The following COG6 variants were observed in gnomAD, a reference collection of about 807,000 sequenced individuals.
COG6 encodes component of oligomeric golgi complex 6.
In COG6, 74 loss-of-function variants were observed where a neutral mutation model predicts 88.8. The ratio of observed to expected loss-of-function variants is 0.83; its 90% CI spans 0.69 to 1.01. COG6 has a LOEUF of 1.01. COG6 is among the 50% of genes least tolerant of loss of function. The pLI is 0.00. For synonymous variants in COG6, 286 were observed against 278.7 expected, an observed-to-expected ratio of 1.03 and a Z score of -0.26; for missense variants, 800 against 797.9, an observed-to-expected ratio of 1.00 and a Z score of -0.03.
At chr13:39,665,968 C>T (rs1294208111) in intron 4 of COG6, among the ~76,000 whole-genome samples, 1 of 152,210 alleles carries the variant, frequency 6.6e-6, no homozygotes, top group Non-Finnish European at 1.5e-5. Context: ...TGGAACACAG[C>T]TATGGTTGTG....
chr13:39,709,996 C>T (rs1878150614), intron 13 of COG6, among the ~76,000 whole-genome samples: 1 of 151,972 alleles, frequency 6.6e-6, no homozygotes, highest in Admixed American at 6.6e-5. Flanking sequence ...TTATTTATTC[C>T]ATTGATTTCA....
intron 4 of COG6, among the ~76,000 whole-genome samples, chr13:39,676,875 T>C (rs1457857006): frequency 6.6e-6 from 1 of 152,142 alleles, no homozygotes; most frequent in Non-Finnish European, 1.5e-5. Context: ...CGTCAGCTAG[T>C]TTAGATAGGT....
intron 15 of COG6, among the ~76,000 whole-genome samples, chr13:39,722,180 C>T (rs1450219355): frequency 2.0e-5 from 3 of 151,866 alleles, no homozygotes; most frequent in Non-Finnish European, 4.4e-5. Flanking sequence ...TTTCAGACCG[C>T]TGATTTGATG....
At chr13:39,706,278 T>TATATA (rs1378385163) in intron 13 of COG6, among the ~76,000 whole-genome samples, 2 of 139,644 alleles carry the variant, frequency 1.4e-5, no homozygotes, top group Admixed American at 7.3e-5. Context: ...TATATATATA[T>TATATA]TTAAATATAT....
At chr13:39,677,400 G>C in intron 4 of COG6, 68 bp from the exon 5 acceptor site, 1 of 864,672 alleles carries the variant, frequency 1.2e-6, no homozygotes, top group South Asian at 1.4e-5. Context: ...GTCTGAGATA[G>C]AATTTGTTTT....
intron 13 of COG6, among the ~76,000 whole-genome samples, chr13:39,708,064 T>A (rs547661937): frequency 1.3e-5 from 2 of 152,318 alleles, no homozygotes; most frequent in East Asian, 3.9e-4. Flanking sequence ...CTTTTTAATT[T>A]TAGGCATTGT....
At chr13:39,701,646 G>A (rs952460724) in intron 13 of COG6, among the ~76,000 whole-genome samples, 6 of 151,952 alleles carry the variant, frequency 3.9e-5, no homozygotes, top group Admixed American at 3.9e-4. Flanking sequence ...TGCTTTTAAA[G>A]AGTTCAAGTA....
intron 13 of COG6, among the ~76,000 whole-genome samples, chr13:39,710,681 T>C (rs900236727): frequency 2.0e-5 from 3 of 152,182 alleles, no homozygotes; most frequent in Non-Finnish European, 4.4e-5. Context: ...GTTGATCTGA[T>C]TAATTGGATA....
At chr13:39,754,069 A>T (rs1463089463), downstream of COG6, among the ~76,000 whole-genome samples, 1 of 152,014 alleles carries the variant, frequency 6.6e-6, no homozygotes, top group Non-Finnish European at 1.5e-5. Context: ...TTGAAATTCT[A>T]TCCTTTCCAG....
chr13:39,786,681 C>T (rs1881782797), intron 18 of COG6, among the ~76,000 whole-genome samples: 1 of 152,156 alleles, frequency 6.6e-6, no homozygotes, highest in South Asian at 2.1e-4. Flanking sequence ...GGAAGAGCCA[C>T]TCTGTGATGT....
intron 18 of COG6, among the ~76,000 whole-genome samples, chr13:39,750,612 T>A (rs1226893345): frequency 6.6e-6 from 1 of 152,222 alleles, no homozygotes; most frequent in Non-Finnish European, 1.5e-5. Flanking sequence ...AATCAATACA[T>A]TGACATTGGG....
intron 12 of COG6, among the ~76,000 whole-genome samples, chr13:39,698,202 G>A (rs1301263791): frequency 1.3e-5 from 2 of 151,536 alleles, no homozygotes; most frequent in East Asian, 1.9e-4. Flanking sequence ...GAATGTAAAT[G>A]TATGTTGAGT....
chr13:39,665,606 G>A lies in COG6; in HGVS notation c.428+452G>A, dbSNP rs536305580. 1.4e-4 allele frequency among the ~76,000 whole-genome samples: 21 copies of A among 152,272 alleles called. No individual in the cohort carries two copies. In the South Asian group the frequency reaches 1.7e-3, roughly 12 times the overall value. On this transcript the variant is annotated intron_variant, in intron 4 of 18. Coordinates refer to ENST00000455146, the MANE Select transcript of COG6 (RefSeq NM_020751.3). ...TGGTTGATTGAATGAATGAGTGAGTGAGTGAATAAAGGTGAGTACAGTCTG... is the reference window on the plus strand; with the variant it reads ...TGGTTGATTGAATGAATGAGTGAGTAAGTGAATAAAGGTGAGTACAGTCTG...
At chr13:39,772,367 G>A (rs4534704) in intron 18 of COG6, among the ~76,000 whole-genome samples, 152,042 of 152,338 alleles carry the variant, frequency 1, 75,875 homozygotes, top group Non-Finnish European at 1. Flanking sequence ...GAGTCCTATC[G>A]TGTGTCAGGC....
intron 18 of COG6, among the ~76,000 whole-genome samples, chr13:39,773,446 A>G (rs372429937): frequency 2.0e-5 from 3 of 152,354 alleles, no homozygotes; most frequent in African/African-American, 4.8e-5. Flanking sequence ...AGGCAGGGAC[A>G]CCATAATTCT....
In COG6 at chr13:39,751,210, G is replaced by C. The variant is rs781463781; in HGVS notation, c.*117G>C. 21 of 1,524,860 alleles carry C rather than the reference G, an allele frequency of 1.4e-5. No homozygotes were observed. The African/African-American group carries it at 2.8e-4, about 20-fold the overall frequency. 94.5% of individuals were successfully genotyped at this position (1,524,860 alleles called of 1,614,324 possible). ...AGTTACAGTTTTCTTTGTATCATAA[G>C]ATTGTAAGTCCCGATAATTTTTTTT... On this transcript the variant is annotated 3_prime_UTR_variant, in exon 19 of 19. Transcript: ENST00000455146.
Position 39,723,433 on chromosome 13 carries a change from C to T in COG6, c.1685C>T (p.Pro562Leu), listed in dbSNP as rs1277354919. 6.4e-7 allele frequency: 1 copy of T among 1,573,216 alleles called. No individual in the cohort carries two copies. The highest frequency in any genetic ancestry group is 8.7e-7 in the Non-Finnish European group (1 of 1,143,150). The change falls in exon 16 of 19, where the codon CCT (proline) becomes CTT (leucine). Residue 562 changes from proline (P) to leucine (L), a missense_variant. Physicochemically the swap from Pro to Leu is moderately conservative, Grantham distance 98. Transcript: ENST00000455146. ...TATAACACTGTACAGCAACATAAAC[C>T]TGAACAGGTAAGTGCATAGATGTTC... ...YIYNTVQQHK[P>L]EQGSLANMPN...
At chr13:39,776,693 G>A (rs1159790679) in intron 18 of COG6, among the ~76,000 whole-genome samples, 1 of 152,200 alleles carries the variant, frequency 6.6e-6, no homozygotes, top group Non-Finnish European at 1.5e-5. Flanking sequence ...GTCTACTGCT[G>A]TATTCTTTCA....
chr13:39,743,365 A>G (rs1374567261), intron 18 of COG6, among the ~76,000 whole-genome samples: 1 of 152,186 alleles, frequency 6.6e-6, no homozygotes, highest in Non-Finnish European at 1.5e-5. Context: ...AGCAAGACTA[A>G]TAAAGAAGAA....
Sources: gnomAD v4.1 joint callset for allele counts (sites outside exome capture counted in the v4.1 genomes callset) on GRCh38, gnomAD v4.1.1 for gene constraint, MANE v1.5 for transcripts, NCBI Gene and HGNC (gene_info 2026-07-23, HGNC 2026-07-21) for gene names.